The following ATP8B4 variants were observed in gnomAD, a reference collection of about 807,000 sequenced individuals.
ATP8B4 encodes the protein ATPase phospholipid transporting 8B4 (putative).
In ATP8B4, 133 loss-of-function variants were observed where a neutral mutation model predicts 145.6. The observed-to-expected ratio is 0.91, with a 90% confidence interval of 0.79 to 1.05. The LOEUF (loss-of-function observed/expected upper bound fraction) is 1.05. Among genes scored for constraint, ATP8B4 ranks in the 50% least tolerant of loss-of-function variants. ATP8B4 has a pLI of 0.00. For missense variants in ATP8B4, 1,458 were observed against 1,425.2 expected (o/e 1.02, Z -0.37); for synonymous variants, 507 against 492.9 (o/e 1.03, Z -0.38).
chr15:50,112,805 C>T lies in ATP8B4; in HGVS notation c.-42-5797G>A, dbSNP rs192140646. On this transcript the variant is annotated intron_variant, in intron 1 of 27. Coordinates refer to ENST00000284509, the MANE Select transcript of ATP8B4 (RefSeq NM_024837.4). ...TTTCCACCTCCCCAGTCTACTTTTT[C>T]TCCTCTTACTCCATCTCCTTCTCTC... Among the ~76,000 whole-genome samples, 256 of 152,116 alleles carry T rather than the reference C, an allele frequency of 1.7e-3. 3 individuals carry two copies. Among genetic ancestry groups the T allele is most frequent in the South Asian group, 3.7e-3 (18 of 4,820 alleles).
intron 6 of ATP8B4, among the ~76,000 whole-genome samples, chr15:50,023,779 C>CAAAAAAAAAAAAAAAAAGAA (rs2049784902): frequency 2.8e-4 from 21 of 75,050 alleles, no homozygotes; most frequent in Non-Finnish European, 3.6e-4. Flanking sequence ...AGACCAAAGG[C>CAAAAAAAAAAAAAAAAAGAA]AAAAAAAAAA....
chr15:50,141,869 T>C (rs1292977599), intron 1 of ATP8B4, among the ~76,000 whole-genome samples: 1 of 152,170 alleles, frequency 6.6e-6, no homozygotes, highest in African/African-American at 2.4e-5. Flanking sequence ...ACACAACATA[T>C]TTCCCTGAAC....
intron 1 of ATP8B4, among the ~76,000 whole-genome samples, chr15:50,158,816 T>C (rs1301794884): frequency 3.3e-5 from 5 of 152,230 alleles, no homozygotes; most frequent in African/African-American, 7.2e-5. Context: ...CCCAACCCTG[T>C]GCTCTCTGAA....
At chr15:50,073,013 T>C (rs1294550283) in intron 3 of ATP8B4, among the ~76,000 whole-genome samples, 840 of 40,568 alleles carry the variant, frequency 0.021, 63 homozygotes, top group African/African-American at 0.095. Flanking sequence ...TATATATATA[T>C]ATATATACAC....
At chr15:49,902,600 A>G (rs2038160235) in intron 20 of ATP8B4, among the ~76,000 whole-genome samples, 1 of 152,252 alleles carries the variant, frequency 6.6e-6, no homozygotes, top group Non-Finnish European at 1.5e-5. Flanking sequence ...AAAAAGATGT[A>G]TAAAGTCAGA....
At chr15:50,153,626 T>G (rs550455699) in intron 1 of ATP8B4, among the ~76,000 whole-genome samples, 1 of 135,828 alleles carries the variant, frequency 7.4e-6, no homozygotes, top group South Asian at 2.5e-4. Context: ...CATGAGCCAC[T>G]GCGCCCAGCC....
chr15:50,105,393 G>GC (rs1303547381), intron 2 of ATP8B4, among the ~76,000 whole-genome samples: 3 of 152,068 alleles, frequency 2.0e-5, no homozygotes, highest in Non-Finnish European at 4.4e-5. Flanking sequence ...AAGGGTTTCT[G>GC]CGTGTTCATC....
intron 1 of ATP8B4, among the ~76,000 whole-genome samples, chr15:50,174,256 C>A (rs1389009790): frequency 6.6e-6 from 1 of 152,136 alleles, no homozygotes; most frequent in Non-Finnish European, 1.5e-5. Flanking sequence ...CACACTGTCA[C>A]CACTCCTCTT....
chr15:50,173,047 C>T (rs1185251964), intron 1 of ATP8B4, among the ~76,000 whole-genome samples: 12 of 144,468 alleles, frequency 8.3e-5, no homozygotes, highest in Non-Finnish European at 1.4e-4. Flanking sequence ...GGGCAGCCTC[C>T]GCCCGGCCAG....
chr15:50,047,797 C>T (rs1303311418), intron 3 of ATP8B4, among the ~76,000 whole-genome samples: 3 of 152,094 alleles, frequency 2.0e-5, no homozygotes, highest in African/African-American at 7.2e-5. Context: ...TGTTGGAGCC[C>T]GCAAGGCAGG....
chr15:50,022,708 G>C (rs113239241), intron 6 of ATP8B4, among the ~76,000 whole-genome samples: 1 of 152,152 alleles, frequency 6.6e-6, no homozygotes, highest in African/African-American at 2.4e-5. Context: ...TTCTAGACCC[G>C]TCAGGTCTGG....
intron 1 of ATP8B4, among the ~76,000 whole-genome samples, chr15:50,118,789 T>C (rs2057225641): frequency 6.6e-6 from 1 of 152,090 alleles, no homozygotes; most frequent in African/African-American, 2.4e-5. Flanking sequence ...AACCAACTAC[T>C]ACCAAAGGAA....
At chr15:50,129,809 A>C (rs2057332720) in intron 1 of ATP8B4, among the ~76,000 whole-genome samples, 1 of 151,990 alleles carries the variant, frequency 6.6e-6, no homozygotes, top group African/African-American at 2.4e-5. Context: ...TTAGTTGAGC[A>C]TGGTGGCACG....
intron 23 of ATP8B4, 74 bp downstream of exon 23, chr15:49,897,218 T>A (rs1176476526): frequency 7.3e-7 from 1 of 1,375,292 alleles, no homozygotes; most frequent in Non-Finnish European, 1.0e-6. Context: ...TAAAGAGCTA[T>A]GAAGAAGAGT....
intron 11 of ATP8B4, 147 bp from the exon 12 acceptor site, chr15:49,979,960 C>T (rs976773887): frequency 1.3e-5 from 7 of 525,370 alleles, no homozygotes; most frequent in Admixed American, 3.4e-5. Context: ...ATATGAATTA[C>T]GTCAGGAACT....
chr15:50,084,455 G>A (rs769611511), intron 2 of ATP8B4, among the ~76,000 whole-genome samples: 1 of 152,062 alleles, frequency 6.6e-6, no homozygotes, highest in Non-Finnish European at 1.5e-5. Context: ...CACCATCCTC[G>A]AGGCCCAGGC....
At chr15:49,874,684 G>C (rs2034135668) in intron 25 of ATP8B4, among the ~76,000 whole-genome samples, 1 of 152,110 alleles carries the variant, frequency 6.6e-6, no homozygotes, top group African/African-American at 2.4e-5. Context: ...GGATAATCAA[G>C]GGTTAGAAAT....
intron 3 of ATP8B4, among the ~76,000 whole-genome samples, chr15:50,049,653 T>C (rs1302700342): frequency 6.6e-6 from 1 of 152,168 alleles, no homozygotes; most frequent in African/African-American, 2.4e-5. Context: ...TTATTTTCCA[T>C]TGGGTGTATA....
At chr15:49,970,535 G>A (rs1319942532) in intron 13 of ATP8B4, among the ~76,000 whole-genome samples, 1 of 152,044 alleles carries the variant, frequency 6.6e-6, no homozygotes. Context: ...GCTACAAAGA[G>A]AATAAAATAC....
Sources: allele counts gnomAD v4.1 joint callset (sites outside exome capture counted in the v4.1 genomes callset), GRCh38; gene constraint gnomAD v4.1.1; transcripts MANE v1.5; gene names NCBI Gene and HGNC (gene_info 2026-07-23, HGNC 2026-07-21).